The following ALK variants were observed in gnomAD, a reference collection of about 807,000 sequenced individuals.
ALK encodes ALK tyrosine kinase receptor.
Under a neutral mutation model 163.1 loss-of-function variants are expected in ALK, and 74 were observed. The observed-to-expected ratio is 0.45, with a 90% CI of 0.38 to 0.55. The LOEUF (loss-of-function observed/expected upper bound fraction) is 0.55. Among genes scored for constraint, ALK ranks in the 20% least tolerant of loss-of-function variants. The pLI, the probability that ALK is intolerant of heterozygous loss-of-function variation, is 0.00. For synonymous variants in ALK, 960 were observed against 843.2 expected (o/e 1.14, Z -2.40); for missense variants, 2,063 against 2,105.3 (o/e 0.98, Z 0.39).
rs753846532 is a variant in ALK, at chr2:29,474,770, G to C, written c.1154+57145C>G. 8.9e-4 allele frequency among the ~76,000 whole-genome samples: 136 copies of C among 152,274 alleles called. 2 individuals are homozygous for C. Among genetic ancestry groups the C allele is most frequent in the Non-Finnish European group, 1.5e-3 (99 of 68,038 alleles). ...TAATTTTTTATTCTGTTGGATTTGG[G>C]GAGGTTTAGTTCAGGCTGATTTTCT... On this transcript the variant is annotated intron_variant, in intron 4 of 28. Coordinates refer to ENST00000389048, the MANE Select transcript of ALK (RefSeq NM_004304.5).
intron 9 of ALK, among the ~76,000 whole-genome samples, chr2:29,292,880 T>C (rs1267726633): frequency 6.6e-6 from 1 of 152,198 alleles, no homozygotes; most frequent in East Asian, 1.9e-4. Context: ...TACCTATGAC[T>C]TATTCACCGA....
At chr2:29,377,885 C>T (rs984806326) in intron 5 of ALK, among the ~76,000 whole-genome samples, 2 of 152,164 alleles carry the variant, frequency 1.3e-5, no homozygotes, top group Admixed American at 6.5e-5. Context: ...GTTATGACAT[C>T]CTCTCTAATG....
intron 26 of ALK, among the ~76,000 whole-genome samples, chr2:29,202,353 G>A (rs2148148003): frequency 6.6e-6 from 1 of 152,298 alleles, no homozygotes; most frequent in East Asian, 1.9e-4. Flanking sequence ...CCTAATCCTT[G>A]CAGCTATATA....
At chr2:29,804,734 A>G (rs913151775) in intron 1 of ALK, among the ~76,000 whole-genome samples, 2 of 151,952 alleles carry the variant, frequency 1.3e-5, no homozygotes, top group African/African-American at 4.8e-5. Flanking sequence ...TCTTAGACCC[A>G]TGTTGGGGGC....
Position 29,193,868 on chromosome 2 carries a change from C to T in ALK, c.4219G>A (p.Glu1407Lys), listed in dbSNP as rs1334825922. The T allele has an allele frequency of 6.2e-7, 1 of 1,614,010 alleles. No homozygotes were observed. The highest frequency in any genetic ancestry group is 8.5e-7 in the Non-Finnish European group (1 of 1,179,972). ...GGCCTCACAGGCACTTTCTCTTCCT[C>T]TTCCACAAGTGGACCATATTCTATC... Reference protein sequence around the residue: ...LPIEYGPLVEEEEKVPVRPKD... With the variant: ...LPIEYGPLVEKEEKVPVRPKD... Residue 1407 changes from glutamate (E) to lysine (K), a missense_variant, in exon 29 of 29, where the codon GAG becomes AAG. Physicochemically the swap from Glu to Lys is moderately conservative, Grantham distance 56. Around this residue, in one of 5 missense-constraint regions of ALK, gnomAD observed 403 missense variants for 366.2 expected, o/e 1.10. Coordinates refer to ENST00000389048, the MANE Select transcript of ALK (RefSeq NM_004304.5).
Position 29,660,143 on chromosome 2 carries a change from G to T in ALK, c.952+34707C>A, listed in dbSNP as rs566434262. Among the ~76,000 whole-genome samples the T allele has an allele frequency of 6.6e-5, 10 of 152,142 alleles. No homozygotes were observed. The South Asian group carries it at 2.1e-3, about 32-fold the overall frequency. ...GGGGCACCAAGAGTCTGTCCAGCAC[G>T]GTCCTTCTGTCCACCACAGTCCCTC... On this transcript the variant is annotated intron_variant, in intron 3 of 28. Coordinates refer to ENST00000389048, the MANE Select transcript of ALK (RefSeq NM_004304.5).
intron 1 of ALK, among the ~76,000 whole-genome samples, chr2:29,794,842 G>C (rs1664267696): frequency 6.6e-6 from 1 of 152,112 alleles, no homozygotes; most frequent in South Asian, 2.1e-4. Flanking sequence ...AACGATGTTT[G>C]AGATATTGCG....
At chr2:29,517,244 C>A (rs1672696150) in intron 4 of ALK, among the ~76,000 whole-genome samples, 1 of 152,044 alleles carries the variant, frequency 6.6e-6, no homozygotes, top group Non-Finnish European at 1.5e-5. Flanking sequence ...AACGGGGAGT[C>A]CAGGTTAATC....
intron 1 of ALK, among the ~76,000 whole-genome samples, chr2:29,836,023 C>T (rs1280012018): frequency 6.6e-6 from 1 of 152,120 alleles, no homozygotes; most frequent in African/African-American, 2.4e-5. Context: ...CCATAGCTCC[C>T]CTGTAGATCA....
At position 29,227,314 on chromosome 2, in the gene ALK, ACG is replaced by A. The variant is rs1664033308; in HGVS notation, c.2915-242_2915-241del. Among the ~76,000 whole-genome samples the A allele has an allele frequency of 6.6e-6, 1 of 152,204 alleles. No individual in the cohort carries two copies. The highest frequency in any genetic ancestry group is 1.5e-5 in the Non-Finnish European group (1 of 68,034). Reference sequence around the variant, plus strand: ...TTGAGTCAGTGGTGGAGAGAAGCCCACGCACATGATCTTTAGGTTGGCTGGTG... The same window carrying A: ...TTGAGTCAGTGGTGGAGAGAAGCCCACACATGATCTTTAGGTTGGCTGGTG... On this transcript the variant is annotated intron_variant, in intron 17 of 28. Transcript: ENST00000389048. The surrounding 1 kb of genome is among the most constrained non-coding windows in gnomAD (Gnocchi z 4.4).
chr2:29,831,259 G>GGAAGAAGAAGAAGAA (rs201594262), intron 1 of ALK, among the ~76,000 whole-genome samples: 2,115 of 28,216 alleles, frequency 0.075, 446 homozygotes, highest in Middle Eastern at 0.12. Context: ...AAGAGGAAGA[G>GGAAGAAGAAGAAGAA]GAAGAAGAAG....
At chr2:29,775,763 A>T (rs1227368964) in intron 1 of ALK, among the ~76,000 whole-genome samples, 2 of 152,186 alleles carry the variant, frequency 1.3e-5, no homozygotes. Flanking sequence ...TGTGAGGATT[A>T]ATATAAGTAA....
chr2:29,350,830 C>G (rs1273768564), intron 5 of ALK, among the ~76,000 whole-genome samples: 2 of 152,190 alleles, frequency 1.3e-5, no homozygotes, highest in Non-Finnish European at 2.9e-5. Flanking sequence ...GTTGCAGAGC[C>G]AAATTTGAAC....
intron 5 of ALK, among the ~76,000 whole-genome samples, chr2:29,381,735 A>G (rs1166684580): frequency 6.6e-6 from 1 of 152,216 alleles, no homozygotes. Context: ...GGCTTAACCA[A>G]AGCAATGACC....
intron 8 of ALK, among the ~76,000 whole-genome samples, chr2:29,304,100 C>G (rs1490933371): frequency 6.6e-6 from 1 of 152,196 alleles, no homozygotes; most frequent in Non-Finnish European, 1.5e-5. Context: ...TAGTTATAAT[C>G]GTAGTTTCTT....
At chr2:29,537,788 G>A (rs1040381870) in intron 3 of ALK, among the ~76,000 whole-genome samples, 2 of 152,242 alleles carry the variant, frequency 1.3e-5, no homozygotes, top group African/African-American at 4.8e-5. Context: ...CATGGAGGAC[G>A]CACACTGCAA....
rs2148184483 is a variant in ALK, at chr2:29,233,595, T to TC, written c.2456dup (p.Gly820ArgfsTer10). The TC allele has an allele frequency of 6.2e-7, 1 of 1,614,158 alleles. No homozygotes were observed. Among genetic ancestry groups the TC allele is most frequent in the Non-Finnish European group, 8.5e-7 (1 of 1,180,012 alleles). ...ATACGTAGGTGGCTCCACCCCCTCC[T>TC]CCTCCGCCTCCTGCCCACTCATGCA... On this transcript the variant is annotated frameshift_variant, in exon 14 of 29. Transcript: ENST00000389048. LOFTEE classifies it high-confidence loss of function.
At chr2:29,790,590 A>C (rs1036768498) in intron 1 of ALK, among the ~76,000 whole-genome samples, 4 of 152,220 alleles carry the variant, frequency 2.6e-5, no homozygotes, top group East Asian at 1.9e-4. Context: ...CACACACACA[A>C]AATCTTTCTT....
At chr2:29,867,768 C>T in intron 1 of ALK, among the ~76,000 whole-genome samples, 1 of 152,160 alleles carries the variant, frequency 6.6e-6, no homozygotes, top group East Asian at 1.9e-4. Flanking sequence ...CTATGTGGTT[C>T]TTCAGTTTCC....
Sources: allele counts gnomAD v4.1 joint callset (sites outside exome capture counted in the v4.1 genomes callset), GRCh38; gene constraint gnomAD v4.1.1; regional missense constraint gnomAD v4.1.1; non-coding constraint Gnocchi (gnomAD v3.1); transcripts MANE v1.5; gene names NCBI Gene and HGNC (gene_info 2026-07-23, HGNC 2026-07-21).